Variants in LRRC37A3 observed in about 807,000 individuals in gnomAD.
LRRC37A3 encodes the protein leucine rich repeat containing 37 member A3, also known as leucine-rich repeat-containing protein 37A3.
Under a neutral mutation model 106.2 loss-of-function variants are expected in LRRC37A3, and 25 were observed. That is an observed-to-expected ratio of 0.24 (90% CI 0.17 to 0.33). The LOEUF (loss-of-function observed/expected upper bound fraction) is 0.33, where lower values mean the gene tolerates loss of function less well. LRRC37A3 is among the 10% of genes least tolerant of loss of function. The pLI is 1.00. For missense variants in LRRC37A3, 712 were observed against 1,644.9 expected, an observed-to-expected ratio of 0.43 and a Z score of 9.81; for synonymous variants, 305 against 635.8, an observed-to-expected ratio of 0.48 and a Z score of 7.83.
intron 2 of LRRC37A3, among the ~76,000 whole-genome samples, 159 bp downstream of exon 2, chr17:64,918,587 AAATT>A (rs1974756917): frequency 6.6e-6 from 1 of 152,400 alleles, no homozygotes; most frequent in East Asian, 1.9e-4. Context: ...GCTGAATTCA[AAATT>A]AATTTTTTAA....
At position 64,862,990 on chromosome 17, in the gene LRRC37A3, G is replaced by A. The variant is rs1972927133; in HGVS notation, c.3082C>T (p.Leu1028Phe). The change falls in exon 11 of 15, where the codon CTC (leucine) becomes TTC (phenylalanine). Residue 1028 changes from leucine to phenylalanine, a missense_variant. By Grantham distance (22) the Leu-to-Phe change is conservative (BLOSUM62 0). Transcript: ENST00000584306. Reference sequence around the variant, plus strand: ...TCAATGCTGTTTTTAAATTGGCAGAGGCAGCAGGCCATATGGCTAGGTACG... The same window carrying A: ...TCAATGCTGTTTTTAAATTGGCAGAAGCAGCAGGCCATATGGCTAGGTACG... The part of the protein sequence containing the change: ...LIVPSHMACC[L>F]CQFKNSIEAV... 1.3e-6 allele frequency: 2 copies of A among 1,597,996 alleles called. No individual in the cohort carries two copies. The highest frequency in any genetic ancestry group is 1.7e-6 in the Non-Finnish European group (2 of 1,179,784).
At chr17:64,854,784 G>C (rs1290888600) in intron 14 of LRRC37A3, 140 bp from the exon 15 acceptor site, 7 of 1,611,726 alleles carry the variant, frequency 4.3e-6, no homozygotes, top group Non-Finnish European at 5.9e-6. Flanking sequence ...GTCCTCATTA[G>C]ATGACTTCTT....
At chr17:64,857,910 G>C (rs1471722133) in intron 13 of LRRC37A3, among the ~76,000 whole-genome samples, 1 of 152,180 alleles carries the variant, frequency 6.6e-6, no homozygotes, top group East Asian at 1.9e-4. Flanking sequence ...AAATAAGGTT[G>C]GACTGGTGGC....
At chr17:64,863,459 C>T (rs1389447618) in intron 10 of LRRC37A3, 6 of 179,186 alleles carry the variant, frequency 3.3e-5, no homozygotes, top group South Asian at 1.3e-4. Flanking sequence ...ACCTGGATTG[C>T]GGAGTTAAAA....
intron 2 of LRRC37A3, among the ~76,000 whole-genome samples, chr17:64,899,429 A>T (rs1433962841): frequency 4.9e-5 from 7 of 143,894 alleles, no homozygotes; most frequent in Non-Finnish European, 8.9e-5. Context: ...CAAAAAAAAA[A>T]AAAAAAAAAA....
chr17:64,890,136 G>A (rs1973912825), intron 5 of LRRC37A3, among the ~76,000 whole-genome samples: 1 of 115,488 alleles, frequency 8.7e-6, no homozygotes, highest in Non-Finnish European at 1.6e-5. Context: ...ATGGAACCAT[G>A]TCAGGGCTGC....
chr17:64,917,759 G>A (rs925397474), intron 2 of LRRC37A3, among the ~76,000 whole-genome samples: 1 of 152,082 alleles, frequency 6.6e-6, no homozygotes, highest in Non-Finnish European at 1.5e-5. Flanking sequence ...CTGAGGTCAG[G>A]AGTTCAAGAC....
rs372113930 is a variant in LRRC37A3, at chr17:64,854,588, G to A, written c.*11C>T. 1 of 1,613,908 alleles carries A rather than the reference G, an allele frequency of 6.2e-7. No homozygotes were observed. On this transcript the variant is annotated 3_prime_UTR_variant, in exon 15 of 15. Transcript: ENST00000584306. ...TTTTGCAGGAGGCCTGAGGTGGGCT[G>A]GGTTCTCCTCCTATGGCAGGGCTTC...
intron 10 of LRRC37A3, among the ~76,000 whole-genome samples, chr17:64,866,652 A>C (rs1466011733): frequency 1.7e-5 from 1 of 60,162 alleles, no homozygotes; most frequent in Non-Finnish European, 3.2e-5. Flanking sequence ...TTTTTTTTAG[A>C]CAGGGTCTTG....
rs1482592276 is a variant in LRRC37A3, at chr17:64,874,416, G to A, written c.2907-5250C>T. 1.9e-4 allele frequency among the ~76,000 whole-genome samples: 28 copies of A among 148,752 alleles called. No homozygotes were observed. The East Asian group carries it at 2.0e-3, about 11-fold the overall frequency. On this transcript the variant is annotated intron_variant, in intron 8 of 14. Coordinates refer to ENST00000584306, the MANE Select transcript of LRRC37A3 (RefSeq NM_199340.5). ...TGAGGAGCCCCTCCGCCCGGCAGTC[G>A]CCCCGTCTGAGAAGTGAGGAGCCCC...
chr17:64,858,817 T>C lies in LRRC37A3; in HGVS notation c.4771A>G (p.Ile1591Val). 1 of 1,613,764 alleles carries C rather than the reference T, an allele frequency of 6.2e-7. No individual in the cohort carries two copies. The highest frequency in any genetic ancestry group is 1.7e-5 in the Admixed American group (1 of 60,000). ...AGAAGTATAATCAAAATCGTTAGTA[T>C]TCCAGTCACAATTAACGCCAAGATG... ...KLILALIVTG[I>V]LTILIILLCL... The change falls in exon 13 of 15, where the codon ATA becomes GTA. Residue 1591 changes from isoleucine (I) to valine (V), a missense_variant. Physicochemically the swap from Ile to Val is conservative, Grantham distance 29 (BLOSUM62 3). Coordinates refer to ENST00000584306, the MANE Select transcript of LRRC37A3 (RefSeq NM_199340.5).
intron 11 of LRRC37A3, among the ~76,000 whole-genome samples, chr17:64,861,222 G>A (rs1038014963): frequency 6.6e-6 from 1 of 152,132 alleles, no homozygotes; most frequent in Non-Finnish European, 1.5e-5. Context: ...CTCTGTTTAG[G>A]ATTATTTCGT....
At chr17:64,861,331 CCT>C (rs1972862413) in intron 11 of LRRC37A3, among the ~76,000 whole-genome samples, 1 of 152,176 alleles carries the variant, frequency 6.6e-6, no homozygotes, top group African/African-American at 2.4e-5. Context: ...TGCTCCGTAC[CCT>C]GTGCTGTCCT....
At position 64,859,995 on chromosome 17, in the gene LRRC37A3, T is replaced by C. The variant is rs139905849; in HGVS notation, c.4151A>G (p.Glu1384Gly). 13 of 1,613,732 alleles carry C rather than the reference T, an allele frequency of 8.1e-6. No homozygotes were observed. In the African/African-American group the frequency reaches 1.3e-4, roughly 17 times the overall value. The stretch of plus-strand genomic sequence containing the variant: ...AGTTGTGTCTTTTGTATTATTGTTT[T>C]CTATAAAATGTTCTGAAGGAGCAGA... The part of the protein sequence containing the change: ...EVSAPSEHFI[E>G]NNNTKDTTAR... The change falls in exon 12 of 15, where the codon GAA becomes GGA. Residue 1384 changes from glutamate to glycine, a missense_variant. Coordinates refer to ENST00000584306, the MANE Select transcript of LRRC37A3 (RefSeq NM_199340.5).
intron 13 of LRRC37A3, among the ~76,000 whole-genome samples, 175 bp from the exon 14 acceptor site, chr17:64,856,064 C>T (rs1393348382): frequency 3.3e-5 from 5 of 152,016 alleles, no homozygotes; most frequent in African/African-American, 7.2e-5. Context: ...TTCAGTCATC[C>T]TTGCTATCTT....
intron 8 of LRRC37A3, among the ~76,000 whole-genome samples, chr17:64,875,930 C>G (rs1352727590): frequency 6.6e-6 from 1 of 152,040 alleles, no homozygotes; most frequent in Non-Finnish European, 1.5e-5. Flanking sequence ...TTTAGAGAAG[C>G]AAAGTTTTTG....
chr17:64,877,632 C>T (rs1338385696), intron 8 of LRRC37A3, among the ~76,000 whole-genome samples: 1 of 152,216 alleles, frequency 6.6e-6, no homozygotes, highest in Non-Finnish European at 1.5e-5. Context: ...AAAATCCCAG[C>T]TGGCTTCTTT....
In LRRC37A3 at chr17:64,859,501, C is replaced by T; in HGVS notation, c.4645G>A (p.Glu1549Lys). 1 of 1,611,820 alleles carries T rather than the reference C, an allele frequency of 6.2e-7. No individual in the cohort carries two copies. The highest frequency in any genetic ancestry group is 1.7e-5 in the Admixed American group (1 of 59,504). Residue 1549 changes from glutamate (E) to lysine (K), a missense_variant, in exon 12 of 15, where the codon GAG (glutamate) becomes AAG (lysine). Coordinates refer to ENST00000584306, the MANE Select transcript of LRRC37A3 (RefSeq NM_199340.5). ...IEWDTDQWKT[E>K]NYINESTEAQ... is the part of the protein sequence containing the mutation. ...TCTGTGCTCTCATTAATGTAGTTCTCAGTCTTCCATTGGTCCGTATCCCAT... is the reference window on the plus strand; with the variant it reads ...TCTGTGCTCTCATTAATGTAGTTCTTAGTCTTCCATTGGTCCGTATCCCAT...
intron 13 of LRRC37A3, among the ~76,000 whole-genome samples, chr17:64,856,499 T>C (rs1370526522): frequency 6.6e-6 from 1 of 150,926 alleles, no homozygotes; most frequent in African/African-American, 2.4e-5. Context: ...ATTTAAGTCA[T>C]CACTAATAAA....
Sources: gnomAD v4.1 joint callset for allele counts (sites outside exome capture counted in the v4.1 genomes callset) on GRCh38, gnomAD v4.1.1 for gene constraint, MANE v1.5 for transcripts, NCBI Gene and HGNC (gene_info 2026-07-23, HGNC 2026-07-21) for gene names.